IGFBP2: variants seen among roughly 807,000 people sequenced by gnomAD.
IGFBP2 encodes the protein insulin like growth factor binding protein 2, also known as insulin-like growth factor-binding protein 2.
In IGFBP2, 12 loss-of-function variants were observed where a neutral mutation model predicts 26.2. The ratio of observed to expected loss-of-function variants is 0.46; its 90% CI spans 0.29 to 0.74. IGFBP2 has a LOEUF of 0.74. Among genes scored for constraint, IGFBP2 ranks in the 30% least tolerant of loss-of-function variants. The pLI, the probability that IGFBP2 is intolerant of heterozygous loss-of-function variation, is 0.09. For synonymous variants in IGFBP2, 189 were observed against 200.6 expected (o/e 0.94, Z 0.49); for missense variants, 328 against 441.2 (o/e 0.74, Z 2.30).
chr2:216,633,750 C>T lies in IGFBP2; in HGVS notation c.227C>T (p.Ala76Val). The T allele has an allele frequency of 5.4e-6, 7 of 1,307,348 alleles. No homozygotes were observed. The highest frequency in any genetic ancestry group is 5.8e-6 in the Non-Finnish European group (6 of 1,031,354). 81.0% of individuals were successfully genotyped at this position (1,307,348 alleles called of 1,614,324 possible). A position where few individuals can be genotyped will look rare whatever the true frequency, so the allele number is the denominator to read the frequency against. Reference sequence around the variant, plus strand: ...GCCGGAGGCGCCCGCATGCCATGCGCGGAGCTCGTCCGGGAGCCGGGCTGC... The same window carrying T: ...GCCGGAGGCGCCCGCATGCCATGCGTGGAGCTCGTCCGGGAGCCGGGCTGC... ...AVAGGARMPCAELVREPGCGC... is the reference protein window; with the variant it reads ...AVAGGARMPCVELVREPGCGC... The change falls in exon 1 of 4, where the codon GCG becomes GTG. Residue 76 changes from alanine to valine, a missense_variant. Transcript: ENST00000233809.
rs1005701395 is a variant in IGFBP2 at position 216,640,380 on chromosome 2, T to C, written c.442+6415T>C. Among the ~76,000 whole-genome samples the C allele has an allele frequency of 9.2e-5, 14 of 152,284 alleles. No homozygotes were observed. The South Asian group carries it at 1.2e-3, about 14-fold the overall frequency. ...CGCTGCTTCTGCTGAAACCAAGGCA[T>C]AGAAGCGGGAGATGATGTTTGAATT... On this transcript the variant is annotated intron_variant, in intron 1 of 3. Coordinates refer to ENST00000233809, the MANE Select transcript of IGFBP2 (RefSeq NM_000597.3).
chr2:216,650,702 C>A (rs769997149), intron 1 of IGFBP2, among the ~76,000 whole-genome samples: 2 of 152,120 alleles, frequency 1.3e-5, no homozygotes, highest in South Asian at 2.1e-4. Context: ...TTCTTGCAGT[C>A]GTGTGATCTT....
At chr2:216,660,489 G>A (rs2106206657) in intron 1 of IGFBP2, 68 bp from the exon 2 acceptor site, 1 of 1,170,208 alleles carries the variant, frequency 8.5e-7, no homozygotes, top group Non-Finnish European at 1.2e-6. Context: ...CGGTCCAGGT[G>A]GCTCCCGGAG....
chr2:216,645,589 G>A (rs1430409732), intron 1 of IGFBP2, among the ~76,000 whole-genome samples: 1 of 152,228 alleles, frequency 6.6e-6, no homozygotes, highest in Non-Finnish European at 1.5e-5. Flanking sequence ...AAGCCACGTA[G>A]CACAGAAACT....
chr2:216,644,018 T>G lies in IGFBP2; in HGVS notation c.442+10053T>G, dbSNP rs529620180. The stretch of plus-strand genomic sequence containing the variant: ...TAACCCCTGACTTTTCCCTCCCCCT[T>G]CTCTGGCCACTCCTGTTCCTGAACA... On this transcript the variant is annotated intron_variant, in intron 1 of 3. Transcript: ENST00000233809. 4.6e-5 allele frequency among the ~76,000 whole-genome samples: 7 copies of G among 152,128 alleles called. No individual in the cohort carries two copies. The South Asian group carries it at 1.5e-3, about 32-fold the overall frequency.
intron 1 of IGFBP2, among the ~76,000 whole-genome samples, chr2:216,640,406 C>A (rs1015367934): frequency 6.6e-5 from 10 of 152,292 alleles, no homozygotes; most frequent in Non-Finnish European, 1.0e-4. Flanking sequence ...TGTTTGAATT[C>A]ATGAGGGAAG....
chr2:216,655,400 T>C (rs1486809135), intron 1 of IGFBP2, among the ~76,000 whole-genome samples: 1 of 152,160 alleles, frequency 6.6e-6, no homozygotes, highest in African/African-American at 2.4e-5. Context: ...TGAGATCTGA[T>C]GGTTTTATAA....
Position 216,661,931 on chromosome 2 carries a change from C to G in IGFBP2, c.746C>G (p.Pro249Arg). The change falls in exon 3 of 4, where the codon CCT becomes CGT. Residue 249 changes from proline (P) to arginine (R), a missense_variant. Pro to Arg is a moderately radical substitution (Grantham distance 103). Coordinates refer to ENST00000233809, the MANE Select transcript of IGFBP2 (RefSeq NM_000597.3). ...STMRLPDERG[P>R]LEHLYSLHIP... The stretch of plus-strand genomic sequence containing the variant: ...ATGCGCCTTCCGGATGAGCGGGGCC[C>G]TCTGGAGCACCTCTACTCCCTGCAC... 6.2e-7 allele frequency: 1 copy of G among 1,614,238 alleles called. No homozygotes were observed. The highest frequency in any genetic ancestry group is 8.5e-7 in the Non-Finnish European group (1 of 1,180,032).
At chr2:216,657,106 C>T (rs1412560017) in intron 1 of IGFBP2, among the ~76,000 whole-genome samples, 1 of 152,128 alleles carries the variant, frequency 6.6e-6, no homozygotes, top group Non-Finnish European at 1.5e-5. Context: ...TCAAAGGGCT[C>T]TTCTCTATGT....
At chr2:216,656,271 C>G (rs563117850) in intron 1 of IGFBP2, among the ~76,000 whole-genome samples, 206 of 152,292 alleles carry the variant, frequency 1.4e-3, no homozygotes, top group African/African-American at 4.8e-3. Context: ...GAGCTGCAGG[C>G]TGAAAGTCCT....
intron 1 of IGFBP2, among the ~76,000 whole-genome samples, chr2:216,651,078 C>T (rs750239979): frequency 4.3e-4 from 66 of 152,180 alleles, no homozygotes; most frequent in Non-Finnish European, 7.5e-4. Flanking sequence ...TGAGAGGCCA[C>T]TGCCCCCTCT....
rs912376989 is a variant in IGFBP2, at chr2:216,664,167, C to T, written c.*63C>T. On this transcript the variant is annotated 3_prime_UTR_variant, in exon 4 of 4. Coordinates refer to ENST00000233809, the MANE Select transcript of IGFBP2 (RefSeq NM_000597.3). The surrounding 1 kb of genome is among the most constrained non-coding windows in gnomAD (Gnocchi z 4.6). ...CCCCTCTCCAAACACCGGCAGAAAA[C>T]GGAGAGTGCTTGGGTGGTGGGTGCT... 2.9e-5 allele frequency: 40 copies of T among 1,367,236 alleles called. No homozygotes were observed. The highest frequency in any genetic ancestry group is 1.2e-4 in the Admixed American group (5 of 40,216). The allele number at this position is 1,367,236 out of a possible 1,614,324, so 84.7% of individuals were successfully genotyped here.
intron 1 of IGFBP2, among the ~76,000 whole-genome samples, chr2:216,653,159 G>A (rs1260877616): frequency 1.3e-5 from 2 of 152,218 alleles, no homozygotes; most frequent in Admixed American, 1.3e-4. Context: ...GGAAGGACCA[G>A]GGAGGTGCTT....
Position 216,633,476 on chromosome 2 carries a change from C to T in IGFBP2, c.-48C>T, listed in dbSNP as rs1243749508. ...TCGCAGGGCCGTGCCACCTGCCCGCCCGCCCGCTCGCTCGCTCGCCCGCCG... is the reference window on the plus strand; with the variant it reads ...TCGCAGGGCCGTGCCACCTGCCCGCTCGCCCGCTCGCTCGCTCGCCCGCCG... On this transcript the variant is annotated 5_prime_UTR_variant, in exon 1 of 4. Transcript: ENST00000233809. The T allele has an allele frequency of 4.2e-6, 2 of 474,978 alleles. No individual in the cohort carries two copies. The highest frequency in any genetic ancestry group is 5.5e-6 in the Non-Finnish European group (2 of 360,760). The allele number at this position is 474,978 out of a possible 1,614,324, so 29.4% of individuals were successfully genotyped here. A position where few individuals can be genotyped will look rare whatever the true frequency, so the allele number is the denominator to read the frequency against.
chr2:216,663,050 T>G (rs1399623542), intron 3 of IGFBP2: 1 of 152,240 alleles, frequency 6.6e-6, no homozygotes, highest in African/African-American at 2.4e-5. Flanking sequence ...AGTGTGGATG[T>G]GTGAAGCCAG....
chr2:216,641,861 T>C (rs1045679319), intron 1 of IGFBP2, among the ~76,000 whole-genome samples: 2 of 150,758 alleles, frequency 1.3e-5, no homozygotes, highest in African/African-American at 2.4e-5. Context: ...GGCTAATTTT[T>C]TGTATTTTTT....
chr2:216,647,710 C>CG (rs1391034770), intron 1 of IGFBP2, among the ~76,000 whole-genome samples: 1 of 152,016 alleles, frequency 6.6e-6, no homozygotes, highest in East Asian at 1.9e-4. Flanking sequence ...TTAGTAGAGA[C>CG]GGGGTTTCAC....
intron 1 of IGFBP2, among the ~76,000 whole-genome samples, chr2:216,654,987 G>C (rs1697890764): frequency 6.6e-6 from 1 of 151,988 alleles, no homozygotes; most frequent in Non-Finnish European, 1.5e-5. Context: ...GACATCTGTG[G>C]GCCCTGGACA....
intron 1 of IGFBP2, among the ~76,000 whole-genome samples, chr2:216,641,635 G>C (rs780466536): frequency 2.7e-4 from 41 of 151,102 alleles, no homozygotes; most frequent in South Asian, 8.3e-4. Flanking sequence ...AAATGCAACT[G>C]ATAAGTGCAT....
Sources: gnomAD v4.1 joint callset for allele counts (sites outside exome capture counted in the v4.1 genomes callset) on GRCh38, gnomAD v4.1.1 for gene constraint, Gnocchi (gnomAD v3.1) non-coding constraint, MANE v1.5 for transcripts, NCBI Gene and HGNC (gene_info 2026-07-23, HGNC 2026-07-21) for gene names.